The following SNX2 variants were observed in gnomAD, a reference collection of about 807,000 sequenced individuals.
SNX2 encodes sorting nexin 2, also known as sorting nexin-2.
SNX2 carries 25 observed loss-of-function variants against 69.9 expected under a neutral mutation model. The ratio of observed to expected loss-of-function variants is 0.36; its 90% CI spans 0.26 to 0.50. The LOEUF (loss-of-function observed/expected upper bound fraction) is 0.50. SNX2 is among the 20% of genes least tolerant of loss of function. The pLI is 0.97. For synonymous variants in SNX2, 229 were observed against 200.4 expected (o/e 1.14, Z -1.20); for missense variants, 551 against 613.3 (o/e 0.90, Z 1.07).
rs529419222 is a variant in SNX2 at position 122,833,113 on chromosome 5, T to A, written c.*3465T>A. ...AAAGAGACAATAGAATCACCCACCCTCCCTTCGACACACACTTCCTTATGT... is the reference window on the plus strand; with the variant it reads ...AAAGAGACAATAGAATCACCCACCCACCCTTCGACACACACTTCCTTATGT... On this transcript the variant is annotated 3_prime_UTR_variant, in exon 15 of 15. Transcript: ENST00000379516. The A allele has an allele frequency of 4.6e-5, 7 of 152,310 alleles. No individual in the cohort carries two copies. The East Asian group carries it at 9.6e-4, about 21-fold the overall frequency. 9.4% of individuals were successfully genotyped at this position (152,310 alleles called of 1,614,324 possible). A position where few individuals can be genotyped will look rare whatever the true frequency, so the allele number is the denominator to read the frequency against.
At chr5:122,775,489 C>T in intron 1 of SNX2, 1 of 1,122,928 alleles carries the variant, frequency 8.9e-7, no homozygotes, top group Non-Finnish European at 1.1e-6. Flanking sequence ...CCCAGCTCAG[C>T]TGGCCTTCCT....
chr5:122,829,213 G>C (rs1358891455), intron 14 of SNX2, among the ~76,000 whole-genome samples: 2 of 151,716 alleles, frequency 1.3e-5, no homozygotes, highest in Admixed American at 1.3e-4. Context: ...TTGTTTGTTT[G>C]TTTGTTTTTG....
rs1471167517 is a variant in SNX2 at position 122,801,879 on chromosome 5, A to C, written c.401A>C (p.Glu134Ala). The C allele has an allele frequency of 5.0e-6, 8 of 1,591,530 alleles. No individual in the cohort carries two copies. Among genetic ancestry groups the C allele is most frequent in the South Asian group, 2.3e-5 (2 of 87,916 alleles). Residue 134 changes from glutamate (E) to alanine (A), a missense_variant, in exon 4 of 15, where the codon GAA (glutamate) becomes GCA (alanine). Physicochemically the swap from Glu to Ala is moderately radical, Grantham distance 107. Coordinates refer to ENST00000379516, the MANE Select transcript of SNX2 (RefSeq NM_003100.4). ...FDRSREEIEE[E>A]ANGDIFDIEI... ...ATTTATACTTTCTAGATTGAAGAAG[A>C]AGCAAATGGAGACATTTTTGACATA...
At chr5:122,820,928 G>A (rs115789680) in intron 11 of SNX2, among the ~76,000 whole-genome samples, 2,373 of 152,266 alleles carry the variant, frequency 0.016, 32 homozygotes, top group Non-Finnish European at 0.026. Context: ...TACATATATG[G>A]AACACATTTG....
chr5:122,775,420 G>A, intron 1 of SNX2: 1 of 1,269,122 alleles, frequency 7.9e-7, no homozygotes, highest in Non-Finnish European at 1.0e-6. Context: ...TGCGGCCCGC[G>A]GGTGCCGACC....
intron 1 of SNX2, among the ~76,000 whole-genome samples, chr5:122,792,761 C>T (rs1753274234): frequency 6.6e-6 from 1 of 151,968 alleles, no homozygotes; most frequent in South Asian, 2.1e-4. Flanking sequence ...GAATTTTTAT[C>T]CAGAATATAT....
chr5:122,824,713 A>G (rs1754115046), intron 11 of SNX2, among the ~76,000 whole-genome samples: 1 of 152,214 alleles, frequency 6.6e-6, no homozygotes, highest in African/African-American at 2.4e-5. Flanking sequence ...AAAAATTGCC[A>G]TATGATATAA....
intron 1 of SNX2, among the ~76,000 whole-genome samples, chr5:122,794,855 AAAATAAAT>A (rs779285188): frequency 1.3e-5 from 2 of 151,782 alleles, no homozygotes; most frequent in Admixed American, 1.3e-4. Context: ...ATCTCTACAA[AAAATAAAT>A]AAATAAATAA....
At chr5:122,797,126 C>T (rs890796432) in intron 2 of SNX2, among the ~76,000 whole-genome samples, 4 of 152,168 alleles carry the variant, frequency 2.6e-5, no homozygotes, top group Non-Finnish European at 5.9e-5. Context: ...TGGGATCTTG[C>T]TATGTTGCCC....
chr5:122,805,802 A>G (rs936053892), intron 6 of SNX2, among the ~76,000 whole-genome samples: 14 of 152,052 alleles, frequency 9.2e-5, no homozygotes, highest in Non-Finnish European at 7.4e-5. Context: ...TTTTCTTGAG[A>G]TGGAGTCTTG....
intron 6 of SNX2, among the ~76,000 whole-genome samples, chr5:122,807,357 AC>A: frequency 6.6e-6 from 1 of 152,286 alleles, no homozygotes; most frequent in Middle Eastern, 3.4e-3. Flanking sequence ...TATTTTTATT[AC>A]CCCAAAATGG....
intron 1 of SNX2, among the ~76,000 whole-genome samples, chr5:122,786,823 G>A (rs780076427): frequency 6.6e-6 from 1 of 152,080 alleles, no homozygotes; most frequent in Non-Finnish European, 1.5e-5. Flanking sequence ...TTTAGTGTCA[G>A]TCTGTTGGGG....
intron 1 of SNX2, among the ~76,000 whole-genome samples, chr5:122,784,832 A>G (rs1753047467): frequency 6.6e-6 from 1 of 152,152 alleles, no homozygotes; most frequent in African/African-American, 2.4e-5. Flanking sequence ...CTAAATGTTG[A>G]TAGAATTTAC....
chr5:122,816,636 A>G (rs937244780), intron 8 of SNX2, among the ~76,000 whole-genome samples: 7 of 152,170 alleles, frequency 4.6e-5, no homozygotes, highest in African/African-American at 1.7e-4. Flanking sequence ...TTCTTAATAT[A>G]TTTTGACAAA....
At chr5:122,793,836 C>A (rs1384596722) in intron 1 of SNX2, among the ~76,000 whole-genome samples, 1 of 151,228 alleles carries the variant, frequency 6.6e-6, no homozygotes, top group Admixed American at 6.6e-5. Context: ...TCGCTTGAAC[C>A]CGGGAAGCAG....
Position 122,816,982 on chromosome 5 carries a change from C to T in SNX2, c.866C>T (p.Ala289Val). 6.2e-7 allele frequency: 1 copy of T among 1,613,690 alleles called. No homozygotes were observed. Among genetic ancestry groups the T allele is most frequent in the African/African-American group, 1.3e-5 (1 of 74,958 alleles). The change falls in exon 9 of 15, where the codon GCC (alanine) becomes GTC (valine). Residue 289 changes from alanine (A) to valine (V), a missense_variant. Physicochemically the swap from Ala to Val is moderately conservative, Grantham distance 64 (BLOSUM62 0). Transcript: ENST00000379516. ...AGILRMVNKA[A>V]DAVNKMTIKM... is the part of the protein sequence containing the mutation. ...ATATTGAGGATGGTGAACAAGGCTG[C>T]CGACGCTGTCAACAAAATGACAATC... is the stretch of plus-strand genomic sequence containing the variant.
At chr5:122,795,194 G>A in intron 1 of SNX2, 72 bp from the exon 2 acceptor site, 3 of 915,250 alleles carry the variant, frequency 3.3e-6, no homozygotes, top group Admixed American at 1.9e-5. Context: ...TTCTATTTCT[G>A]TAGTACATGG....
chr5:122,812,728 G>A (rs904151752), intron 7 of SNX2, among the ~76,000 whole-genome samples: 2 of 152,082 alleles, frequency 1.3e-5, no homozygotes, highest in Non-Finnish European at 2.9e-5. Context: ...AGTCCCTTTT[G>A]CTCACTGATG....
At chr5:122,777,865 C>T (rs1306023512) in intron 1 of SNX2, among the ~76,000 whole-genome samples, 1 of 152,130 alleles carries the variant, frequency 6.6e-6, no homozygotes, top group Non-Finnish European at 1.5e-5. Flanking sequence ...TCATCTAGCC[C>T]TTTGAAAATA....
Sources: gnomAD v4.1 joint callset for allele counts (sites outside exome capture counted in the v4.1 genomes callset) on GRCh38, gnomAD v4.1.1 for gene constraint, MANE v1.5 for transcripts, NCBI Gene and HGNC (gene_info 2026-07-23, HGNC 2026-07-21) for gene names.